PCSK6: variants seen among roughly 807,000 people sequenced by gnomAD.
The protein encoded by PCSK6 is paired basic amino acid cleaving enzyme 4.
PCSK6 carries 85 observed loss-of-function variants against 123.3 expected under a neutral mutation model. The ratio of observed to expected loss-of-function variants is 0.69; its 90% CI spans 0.58 to 0.83. PCSK6 has a LOEUF of 0.83. PCSK6 is among the 40% of genes least tolerant of loss of function. The probability of loss-of-function intolerance (pLI) is 0.00; values close to 1 mark genes in which losing one functional copy is unlikely to be tolerated. For missense variants in PCSK6, 1,191 were observed against 1,282.3 expected (o/e 0.93, Z 1.09); for synonymous variants, 508 against 516.0 (o/e 0.98, Z 0.21).
chr15:101,363,055 G>C (rs1358270990), intron 13 of PCSK6, among the ~76,000 whole-genome samples: 3 of 152,232 alleles, frequency 2.0e-5, no homozygotes. Flanking sequence ...TGTTCTGCCG[G>C]CTTTGCCATA....
chr15:101,459,556 C>A lies in PCSK6; in HGVS notation c.298-15896G>T, dbSNP rs1246874186. Among the ~76,000 whole-genome samples, 3 of 142,378 alleles carry A rather than the reference C, an allele frequency of 2.1e-5. No homozygotes were observed. The South Asian group carries it at 7.2e-4, about 34-fold the overall frequency. 93.4% of individuals were successfully genotyped at this position (142,378 alleles called of 152,430 possible). On this transcript the variant is annotated intron_variant, in intron 1 of 21. Transcript: ENST00000611716. Reference sequence around the variant, plus strand: ...ACCACCAGCTGCCACCATTCCCGTCCCCCCCACCATTCCTCACTGCACTAT... The same window carrying A: ...ACCACCAGCTGCCACCATTCCCGTCACCCCCACCATTCCTCACTGCACTAT...
At chr15:101,324,436 C>A (rs567611838) in intron 17 of PCSK6, among the ~76,000 whole-genome samples, 16 of 152,300 alleles carry the variant, frequency 1.1e-4, no homozygotes, top group African/African-American at 3.9e-4. Context: ...ACAGAGAAGC[C>A]GATGGCATAG....
intron 13 of PCSK6, among the ~76,000 whole-genome samples, chr15:101,333,285 C>T (rs1256091643): frequency 6.6e-6 from 1 of 152,210 alleles, no homozygotes; most frequent in Non-Finnish European, 1.5e-5. Context: ...TGACGGGGCT[C>T]CCGGACGCCC....
At chr15:101,411,772 G>A (rs953606379) in intron 6 of PCSK6, among the ~76,000 whole-genome samples, 2 of 152,180 alleles carry the variant, frequency 1.3e-5, no homozygotes, top group African/African-American at 2.4e-5. Flanking sequence ...ATGCGAGGAC[G>A]AAATGAGGTG....
chr15:101,387,198 C>T (rs572367416), intron 9 of PCSK6, among the ~76,000 whole-genome samples: 10 of 152,314 alleles, frequency 6.6e-5, no homozygotes, highest in Admixed American at 5.2e-4. Flanking sequence ...GGCCTTCCTG[C>T]GGCCCACACG....
At position 101,389,545 on chromosome 15, in the gene PCSK6, T is replaced by A; in HGVS notation, c.1229A>T (p.Gln410Leu). ...ERKIVTTDLR[Q>L]RCTDGHTGTS... ...CCCAGTGTGGCCATCGGTACAGCGC[T>A]GACGCAGATCCGTGGTGACCTGGGG... The change falls in exon 9 of 22, where the codon CAG (glutamine) becomes CTG (leucine). Residue 410 changes from glutamine (Q) to leucine (L), a missense_variant. Physicochemically the swap from Gln to Leu is moderately radical, Grantham distance 113. Coordinates refer to ENST00000611716, the MANE Select transcript of PCSK6 (RefSeq NM_002570.5). The A allele has an allele frequency of 6.2e-7, 1 of 1,612,702 alleles. No homozygotes were observed. The highest frequency in any genetic ancestry group is 8.5e-7 in the Non-Finnish European group (1 of 1,179,086).
intron 13 of PCSK6, among the ~76,000 whole-genome samples, chr15:101,358,249 T>G (rs556541158): frequency 6.6e-6 from 1 of 152,304 alleles, no homozygotes; most frequent in Admixed American, 6.5e-5. Context: ...AGGACAGCCG[T>G]ACCCTTGGGG....
chr15:101,396,157 A>G (rs889196087), intron 7 of PCSK6, among the ~76,000 whole-genome samples: 7 of 152,174 alleles, frequency 4.6e-5, no homozygotes, highest in African/African-American at 1.4e-4. Flanking sequence ...ATGACGAAAA[A>G]AAATCAAATG....
At chr15:101,362,694 A>C (rs922150583) in intron 13 of PCSK6, among the ~76,000 whole-genome samples, 1 of 152,138 alleles carries the variant, frequency 6.6e-6, no homozygotes, top group African/African-American at 2.4e-5. Context: ...TCCCACCGCA[A>C]CCCAGTAACT....
intron 15 of PCSK6, among the ~76,000 whole-genome samples, chr15:101,330,906 G>C (rs1044127108): frequency 6.6e-6 from 1 of 152,226 alleles, no homozygotes; most frequent in African/African-American, 2.4e-5. Flanking sequence ...TACTTGATAT[G>C]TGTTGGTGGA....
chr15:101,417,665 AG>A (rs1348119945), intron 6 of PCSK6, among the ~76,000 whole-genome samples: 1 of 152,146 alleles, frequency 6.6e-6, no homozygotes, highest in Non-Finnish European at 1.5e-5. Flanking sequence ...TTTATTTATT[AG>A]AACACATAAA....
intron 6 of PCSK6, among the ~76,000 whole-genome samples, chr15:101,417,845 T>C (rs1452235391): frequency 6.6e-6 from 1 of 151,582 alleles, no homozygotes; most frequent in Admixed American, 6.6e-5. Context: ...AAGCCTGTTT[T>C]TTTTTATTTT....
At chr15:101,318,166 C>A (rs2040035697) in intron 19 of PCSK6, among the ~76,000 whole-genome samples, 153 bp downstream of exon 19, 1 of 152,250 alleles carries the variant, frequency 6.6e-6, no homozygotes, top group Admixed American at 6.5e-5. Context: ...GCCCCCAGTC[C>A]CTGGTAGGGC....
At position 101,400,991 on chromosome 15, in the gene PCSK6, G is replaced by C. The variant is rs117560619; in HGVS notation, c.824-2415C>G. On this transcript the variant is annotated intron_variant, in intron 6 of 21. Coordinates refer to ENST00000611716, the MANE Select transcript of PCSK6 (RefSeq NM_002570.5). The stretch of plus-strand genomic sequence containing the variant: ...GAGAATACAAGAGTCACCAAAGGCA[G>C]TTCTTGGGAGGCCAGGTAGGATAGT... 1.1e-3 allele frequency among the ~76,000 whole-genome samples: 172 copies of C among 152,348 alleles called. 2 individuals are homozygous for C. In the East Asian group the frequency reaches 0.028, roughly 25 times the overall value.
At chr15:101,471,421 G>T (rs2141236689) in intron 1 of PCSK6, among the ~76,000 whole-genome samples, 1 of 152,270 alleles carries the variant, frequency 6.6e-6, no homozygotes, top group East Asian at 1.9e-4. Context: ...TGAATTGTAT[G>T]GCAGACATCC....
intron 1 of PCSK6, among the ~76,000 whole-genome samples, chr15:101,465,311 G>A (rs546929955): frequency 2.5e-5 from 2 of 81,048 alleles, no homozygotes; most frequent in African/African-American, 4.3e-5. Flanking sequence ...CCCTAAACCC[G>A]CACTGATTCT....
rs145467466 is a variant in PCSK6, at chr15:101,422,242, A to G, written c.823+5650T>C. ...GAAATTGAGAGGAGAAATTTCAGAA[A>G]GGAGAGATCTACAGAAGAGAACATA... On this transcript the variant is annotated intron_variant, in intron 6 of 21. Transcript: ENST00000611716. 2.9e-3 allele frequency among the ~76,000 whole-genome samples: 449 copies of G among 152,282 alleles called. 4 individuals are homozygous for G. The highest frequency in any genetic ancestry group is 9.6e-3 in the African/African-American group (398 of 41,530).
intron 13 of PCSK6, chr15:101,365,134 A>G: frequency 1.7e-6 from 1 of 581,128 alleles, no homozygotes; most frequent in Non-Finnish European, 3.2e-6. Flanking sequence ...CACACCATAT[A>G]CAAAAATAAT....
At chr15:101,389,047 G>A (rs1412222462) in intron 9 of PCSK6, among the ~76,000 whole-genome samples, 1 of 152,146 alleles carries the variant, frequency 6.6e-6, no homozygotes, top group African/African-American at 2.4e-5. Context: ...ATTAGGGTGG[G>A]CCCTAATCCA....
Sources: gnomAD v4.1 joint callset for allele counts (sites outside exome capture counted in the v4.1 genomes callset) on GRCh38, gnomAD v4.1.1 for gene constraint, MANE v1.5 for transcripts, NCBI Gene and HGNC (gene_info 2026-07-23, HGNC 2026-07-21) for gene names.